Variants in WDR81 observed in about 807,000 individuals in gnomAD.
WDR81 encodes the protein WD repeat-containing protein 81.
Under a neutral mutation model 140.8 loss-of-function variants are expected in WDR81, and 92 were observed. The ratio of observed to expected loss-of-function variants is 0.65; its 90% confidence interval spans 0.55 to 0.78. WDR81 has a LOEUF of 0.78. Ranked by LOEUF, WDR81 falls within the 30% of genes least tolerant of loss-of-function variation. The pLI, the probability that WDR81 is intolerant of heterozygous loss-of-function variation, is 0.00. For missense variants in WDR81, 2,502 were observed against 2,636.4 expected (o/e 0.95, Z 1.12); for synonymous variants, 1,183 against 1,156.4 (o/e 1.02, Z -0.47).
chr17:1,730,447 G>A lies in WDR81; in HGVS notation c.3735G>A (p.Val1245=), dbSNP rs781251070. 1.9e-6 allele frequency: 3 copies of A among 1,613,332 alleles called. No homozygotes were observed. In the East Asian group the frequency reaches 6.7e-5, roughly 36 times the overall value. The part of the protein sequence containing the change: ...KLGPTVASRH[V]ARNLLRLLTS... ...GCCCCACAGTGGCCTCTCGCCACGT[G>A]GCCCGGAACCTGCTCCGCCTGCTGA... Residue 1245 remains valine (V), a synonymous_variant, in exon 2 of 10, where the codon GTG becomes GTA. Coordinates refer to ENST00000409644, the MANE Select transcript of WDR81 (RefSeq NM_001163809.2).
rs1337432612 is a variant in WDR81, at chr17:1,724,729, G to T, written c.-231G>T. ...AGCTGACCCGTCACGGTGGAGCCCG[G>T]TGCTCGCGCCCGGCAGCCTCTGCCC... On this transcript the variant is annotated 5_prime_UTR_variant, in exon 1 of 10. Coordinates refer to ENST00000409644, the MANE Select transcript of WDR81 (RefSeq NM_001163809.2). 2 of 1,104,562 alleles carry T rather than the reference G, an allele frequency of 1.8e-6. No homozygotes were observed. The highest frequency in any genetic ancestry group is 2.2e-6 in the Non-Finnish European group (2 of 907,986). 68.4% of individuals were successfully genotyped at this position (1,104,562 alleles called of 1,614,324 possible).
In WDR81 at chr17:1,733,003, AG is replaced by A. The variant is rs1365467569; in HGVS notation, c.4489+174del. The A allele has an allele frequency of 1.0e-5, 8 of 769,774 alleles. No homozygotes were observed. In the East Asian group the frequency reaches 2.4e-4, roughly 23 times the overall value. 47.7% of individuals were successfully genotyped at this position (769,774 alleles called of 1,614,324 possible). On this transcript the variant is annotated intron_variant, in intron 6 of 9. Coordinates refer to ENST00000409644, the MANE Select transcript of WDR81 (RefSeq NM_001163809.2). ...CTACCCCCAAGGTGACACACAAACA[AG>A]GACTGAGCAGTAGCCAGCAAGAGAG...
Position 1,726,417 on chromosome 17 carries a change from G to C in WDR81, c.1458G>C (p.Trp486Cys). 6.5e-7 allele frequency: 1 copy of C among 1,549,052 alleles called. No homozygotes were observed. Among genetic ancestry groups the C allele is most frequent in the South Asian group, 1.2e-5 (1 of 84,006 alleles). ...CCAGCATGGAGCGGATGCAGAACTG[G>C]ACCCCGGATGAGTGCATTCCGGAGT... The part of the protein sequence containing the change: ...YPASMERMQN[W>C]TPDECIPEFY... The change falls in exon 1 of 10, where the codon TGG (tryptophan) becomes TGC (cysteine). Residue 486 changes from tryptophan to cysteine, a missense_variant. Trp to Cys is a radical substitution (Grantham distance 215). Coordinates refer to ENST00000409644, the MANE Select transcript of WDR81 (RefSeq NM_001163809.2).
upstream of WDR81, among the ~76,000 whole-genome samples, chr17:1,720,564 G>A (rs1447095501): frequency 6.6e-6 from 1 of 152,052 alleles, no homozygotes; most frequent in African/African-American, 2.4e-5. Flanking sequence ...ATCATCTGAG[G>A]TCAGGAATTT....
In WDR81 at chr17:1,737,604, G is replaced by A. The variant is rs778962227; in HGVS notation, c.5745G>A (p.Thr1915=). 32 of 1,612,700 alleles carry A rather than the reference G, an allele frequency of 2.0e-5. No homozygotes were observed. The highest frequency in any genetic ancestry group is 1.7e-4 in the Admixed American group (10 of 60,016). ...TKLSSENFRG[T]LTSLALLPTK... is the part of the protein sequence containing the mutation. Reference sequence around the variant, plus strand: ...TCAGCTCTGAGAACTTCCGCGGCACGCTCACCAGCCTGGCCTTGCTGCCCA... The same window carrying A: ...TCAGCTCTGAGAACTTCCGCGGCACACTCACCAGCCTGGCCTTGCTGCCCA... Residue 1915 remains threonine (T), a synonymous_variant, in exon 10 of 10, where the codon ACG becomes ACA. Coordinates refer to ENST00000409644, the MANE Select transcript of WDR81 (RefSeq NM_001163809.2).
intron 4 of WDR81, 125 bp downstream of exon 4, chr17:1,731,383 C>T: frequency 8.3e-7 from 1 of 1,208,088 alleles, no homozygotes; most frequent in Non-Finnish European, 1.1e-6. Flanking sequence ...GGTTTTGATC[C>T]CGGCTGTGTG....
chr17:1,726,555 G>A lies in WDR81; in HGVS notation c.1596G>A (p.Leu532=). 1 of 1,550,368 alleles carries A rather than the reference G, an allele frequency of 6.5e-7. No individual in the cohort carries two copies. The highest frequency in any genetic ancestry group is 2.4e-5 in the East Asian group (1 of 40,916). The change falls in exon 1 of 10, where the codon CTG becomes CTA. Residue 532 remains leucine (L), a synonymous_variant. Coordinates refer to ENST00000409644, the MANE Select transcript of WDR81 (RefSeq NM_001163809.2). ...QEFVAAHRAL[L]ESREVSRDLH... The stretch of plus-strand genomic sequence containing the variant: ...TCGTAGCTGCCCACCGAGCCCTGCT[G>A]GAGAGCCGCGAGGTATCCCGGGACC...
At chr17:1,720,535 G>C (rs1198229352), upstream of WDR81, among the ~76,000 whole-genome samples, 2 of 152,152 alleles carry the variant, frequency 1.3e-5, no homozygotes, top group East Asian at 3.9e-4. Flanking sequence ...CCAGCACTTT[G>C]GGAGGCGGAG....
rs762022727 is a variant in WDR81 at position 1,737,635 on chromosome 17, C to T, written c.5776C>T (p.Arg1926Cys). The T allele has an allele frequency of 1.2e-5, 20 of 1,612,334 alleles. No individual in the cohort carries two copies. The highest frequency in any genetic ancestry group is 8.3e-5 in the Admixed American group (5 of 60,008). The change falls in exon 10 of 10, where the codon CGC (arginine) becomes TGC (cysteine). Residue 1926 changes from arginine (R) to cysteine (C), a missense_variant. This residue lies in a region of WDR81 where 1,737 missense variants were observed against 1,843.0 expected (regional missense o/e 0.94). Transcript: ENST00000409644. ...CAGCCTGGCCTTGCTGCCCACTAAA[C>T]GCCACCTCCTGCTGGGCTCAGACAA... ...LTSLALLPTKRHLLLGSDNGV... is the reference protein window; with the variant it reads ...LTSLALLPTKCHLLLGSDNGV...
chr17:1,723,460 TA>T (rs1323149719), upstream of WDR81, among the ~76,000 whole-genome samples: 2 of 65,672 alleles, frequency 3.0e-5, no homozygotes, highest in Non-Finnish European at 6.4e-5. Context: ...TATTTATTTT[TA>T]TTTATTTATT....
chr17:1,734,789 AAAAG>A (rs1367464581), intron 7 of WDR81, among the ~76,000 whole-genome samples: 10 of 152,234 alleles, frequency 6.6e-5, no homozygotes, highest in South Asian at 2.1e-4. Context: ...AAAAAAAAAA[AAAAG>A]AAGAAGATAA....
At chr17:1,730,244 G>A (rs998058028) in intron 1 of WDR81, 136 bp from the exon 2 acceptor site, 5 of 685,256 alleles carry the variant, frequency 7.3e-6, no homozygotes, top group Non-Finnish European at 1.2e-5. Context: ...AGGGGGTGGT[G>A]TGGGACAGCC....
At chr17:1,724,702 T>C (rs1915092810), upstream of WDR81, 2 of 1,080,732 alleles carry the variant, frequency 1.9e-6, no homozygotes, top group Non-Finnish European at 2.2e-6. Flanking sequence ...GTGACCCGCG[T>C]CAGCTGACCC....
In WDR81 at chr17:1,716,717, G is replaced by C. The variant is rs752399686; in HGVS notation, c.-124+84G>C. 55 of 1,451,900 alleles carry C rather than the reference G, an allele frequency of 3.8e-5. No individual in the cohort carries two copies. In the South Asian group the frequency reaches 6.0e-4, roughly 16 times the overall value. The allele number at this position is 1,451,900 out of a possible 1,614,324, so 89.9% of individuals were successfully genotyped here. On this transcript the variant is annotated intron_variant, in intron 1 of 10. Coordinates refer to the WDR81 transcript ENST00000309182. ...GACAGCCCCTCCTTGTTGGAGTCGT[G>C]AGTGCTTCTTTTAGACATTCCCCAA... is the stretch of plus-strand genomic sequence containing the variant.
At position 1,726,760 on chromosome 17, in the gene WDR81, G is replaced by A. The variant is rs1033576036; in HGVS notation, c.1801G>A (p.Glu601Lys). The A allele has an allele frequency of 8.4e-6, 13 of 1,547,610 alleles. No individual in the cohort carries two copies. The highest frequency in any genetic ancestry group is 8.3e-5 in the South Asian group (7 of 84,034). The change falls in exon 1 of 10, where the codon GAG becomes AAG. Residue 601 changes from glutamate (E) to lysine (K), a missense_variant. Physicochemically the swap from Glu to Lys is moderately conservative, Grantham distance 56. Transcript: ENST00000409644. ...RLAGAPALAP[E>K]PPLIPKLLVQ... ...GGCTGGGGCTCCTGCCCTTGCCCCC[G>A]AGCCTCCCCTCATCCCCAAGCTGTT...
At position 1,725,270 on chromosome 17, in the gene WDR81, G is replaced by GCT; in HGVS notation, c.312_313insTC (p.Val105SerfsTer150). The GCT allele has an allele frequency of 1.3e-6, 2 of 1,545,312 alleles. No individual in the cohort carries two copies. The highest frequency in any genetic ancestry group is 1.7e-6 in the Non-Finnish European group (2 of 1,146,932). On this transcript the variant is annotated frameshift_variant, in exon 1 of 10. Transcript: ENST00000409644. LOFTEE classifies it high-confidence loss of function. ...CAAAGGCTGCCTGCCGGCTGGACGC[G>GCT]CGTGGAGGTGCATGGGCTGCGGAAG...
At chr17:1,723,101 G>A (rs778499016), upstream of WDR81, among the ~76,000 whole-genome samples, 14 of 152,224 alleles carry the variant, frequency 9.2e-5, no homozygotes, top group Non-Finnish European at 5.9e-5. Context: ...CAGGGCCAGT[G>A]GTTTCACTGT....
upstream of WDR81, among the ~76,000 whole-genome samples, chr17:1,722,695 CT>C (rs200208522): frequency 0.66 from 76,462 of 115,988 alleles, 24,112 homozygotes; most frequent in East Asian, 0.83. Flanking sequence ...TTCTTTCTTT[CT>C]TTTTTTTTTT....
Position 1,724,781 on chromosome 17 carries a change from G to A in WDR81, c.-179G>A. On this transcript the variant is annotated 5_prime_UTR_variant, in exon 1 of 10. Transcript: ENST00000409644. ...GCCGCGCCCGGAGCGCAGGACCCGC[G>A]GAGGGGTAAGCGCGCCCCCCGTCCG... 8.6e-7 allele frequency: 1 copy of A among 1,169,284 alleles called. No individual in the cohort carries two copies. The highest frequency in any genetic ancestry group is 1.6e-5 in the African/African-American group (1 of 62,216). The allele number at this position is 1,169,284 out of a possible 1,614,324, so 72.4% of individuals were successfully genotyped here.
Sources: gnomAD v4.1 joint callset for allele counts (sites outside exome capture counted in the v4.1 genomes callset) on GRCh38, gnomAD v4.1.1 for gene constraint, gnomAD v4.1.1 regional missense constraint, MANE v1.5 for transcripts, NCBI Gene and HGNC (gene_info 2026-07-23, HGNC 2026-07-21) for gene names.